PCM1: variants seen among roughly 807,000 people sequenced by gnomAD.
PCM1 encodes pericentriolar material 1 protein.
PCM1 carries 157 observed loss-of-function variants against 241.9 expected under a neutral mutation model. The ratio of observed to expected loss-of-function variants is 0.65; its 90% CI spans 0.57 to 0.74. The LOEUF is 0.74. Ranked by LOEUF, PCM1 falls within the 30% of genes least tolerant of loss-of-function variation. PCM1 has a pLI of 0.00. For synonymous variants in PCM1, 1,085 were observed against 784.9 expected (o/e 1.38, Z -6.39); for missense variants, 3,478 against 2,360.1 (o/e 1.47, Z -9.81).
At chr8:18,016,256 G>T (rs572725918) in intron 36 of PCM1, among the ~76,000 whole-genome samples, 1 of 149,100 alleles carries the variant, frequency 6.7e-6, no homozygotes, top group African/African-American at 2.4e-5. Flanking sequence ...ACTGGGTCCA[G>T]TTGGCAGCCT....
intron 15 of PCM1, among the ~76,000 whole-genome samples, chr8:17,960,829 G>A (rs553271276): frequency 7.8e-4 from 118 of 151,906 alleles, no homozygotes; most frequent in African/African-American, 2.8e-3. Flanking sequence ...TTTTTTTCTA[G>A]TATTAAGGTG....
rs2060694605 is a variant in PCM1, at chr8:17,937,260, C to G, written c.223C>G (p.Arg75Gly). Residue 75 changes from arginine to glycine, a missense_variant, in exon 4 of 39, where the codon CGA (arginine) becomes GGA (glycine). Physicochemically the swap from Arg to Gly is moderately radical, Grantham distance 125. Coordinates refer to ENST00000325083, the MANE Select transcript of PCM1 (RefSeq NM_006197.4). Reference protein sequence around the residue: ...SPESSPGVGRRRTKTPHTFPH... With the variant: ...SPESSPGVGRGRTKTPHTFPH... ...GGAGTCGTCACCAGGAGTTGGAAGG[C>G]GAAGAACAAAGACTCCACATACGTT... 1 of 1,610,936 alleles carries G rather than the reference C, an allele frequency of 6.2e-7. No homozygotes were observed. The highest frequency in any genetic ancestry group is 1.1e-5 in the South Asian group (1 of 90,610).
chr8:17,928,517 C>T (rs1232206256), intron 2 of PCM1, among the ~76,000 whole-genome samples: 3 of 151,172 alleles, frequency 2.0e-5, no homozygotes, highest in Non-Finnish European at 4.4e-5. Context: ...TAAAGCTAAT[C>T]ATTTGTCTTT....
intron 6 of PCM1, among the ~76,000 whole-genome samples, chr8:17,944,267 T>C (rs972379320): frequency 6.6e-6 from 1 of 152,178 alleles, no homozygotes; most frequent in African/African-American, 2.4e-5. Context: ...TTGGAGCAGA[T>C]AGTATGACGT....
rs563860952 is a variant in PCM1 at position 17,946,519 on chromosome 8, C to CG, written c.784-663dup. Among the ~76,000 whole-genome samples, 14 of 150,294 alleles carry CG rather than the reference C, an allele frequency of 9.3e-5. No individual in the cohort carries two copies. The South Asian group carries it at 2.9e-3, about 31-fold the overall frequency. ...TTCCTTTTTTCTTTTTTCTTTGAGA[C>CG]GGGGTCTCGCTCTGTCACCCAGGCT... On this transcript the variant is annotated intron_variant, in intron 6 of 38. Coordinates refer to ENST00000325083, the MANE Select transcript of PCM1 (RefSeq NM_006197.4).
In PCM1 at chr8:17,955,545, A is replaced by T. The variant is rs200259753; in HGVS notation, c.1364A>T (p.Asn455Ile). 2 of 1,613,788 alleles carry T rather than the reference A, an allele frequency of 1.2e-6. No homozygotes were observed. Among genetic ancestry groups the T allele is most frequent in the Non-Finnish European group, 1.7e-6 (2 of 1,179,742 alleles). ...TCTGTAGGCTTGGCACCGGTTGTCAATGGAGAATCCAATAGCCTCACATCA... is the reference window on the plus strand; with the variant it reads ...TCTGTAGGCTTGGCACCGGTTGTCATTGGAGAATCCAATAGCCTCACATCA... ...SASVGLAPVV[N>I]GESNSLTSSV... The change falls in exon 10 of 39, where the codon AAT becomes ATT. Residue 455 changes from asparagine (N) to isoleucine (I), a missense_variant. Transcript: ENST00000325083.
At chr8:17,977,264 C>T (rs976694572) in intron 23 of PCM1, among the ~76,000 whole-genome samples, 10 of 151,932 alleles carry the variant, frequency 6.6e-5, no homozygotes, top group African/African-American at 1.9e-4. Context: ...ATCAAGAGGT[C>T]TCTCTTTTCA....
chr8:18,013,209 A>G (rs2092733269), intron 34 of PCM1, among the ~76,000 whole-genome samples: 1 of 152,146 alleles, frequency 6.6e-6, no homozygotes, highest in Admixed American at 6.5e-5. Flanking sequence ...TAGATTGGGA[A>G]TGGGGCTGAG....
At chr8:17,954,498 T>C (rs1330755839) in intron 9 of PCM1, among the ~76,000 whole-genome samples, 2 of 151,798 alleles carry the variant, frequency 1.3e-5, no homozygotes, top group Admixed American at 1.3e-4. Context: ...TTGTCGTCAG[T>C]TTTGTATGCA....
intron 29 of PCM1, among the ~76,000 whole-genome samples, chr8:17,995,424 T>A (rs1334154949): frequency 1.2e-4 from 18 of 151,396 alleles, no homozygotes; most frequent in Non-Finnish European, 1.5e-5. Flanking sequence ...TCGGTCTGTG[T>A]TTCTGTTGTT....
chr8:17,977,496 C>G (rs987625856), intron 23 of PCM1, among the ~76,000 whole-genome samples: 1 of 152,118 alleles, frequency 6.6e-6, no homozygotes, highest in Non-Finnish European at 1.5e-5. Context: ...AAGATGCAAG[C>G]AAGGCTTTAG....
chr8:17,969,501 A>G, intron 21 of PCM1, 76 bp from the exon 22 acceptor site: 2 of 1,119,076 alleles, frequency 1.8e-6, no homozygotes, highest in Admixed American at 2.5e-5. Context: ...TGTTTAATTA[A>G]AACTGTCTTT....
At position 17,972,550 on chromosome 8, in the gene PCM1, A is replaced by C; in HGVS notation, c.3806A>C (p.Asp1269Ala). 6.2e-7 allele frequency: 1 copy of C among 1,613,870 alleles called. No homozygotes were observed. Among genetic ancestry groups the C allele is most frequent in the Non-Finnish European group, 8.5e-7 (1 of 1,179,772 alleles). ...TTTAGCAGTATGCCTGATCCAGTAGATCCAACAACAGTGACTAAAACATTC... is the reference window on the plus strand; with the variant it reads ...TTTAGCAGTATGCCTGATCCAGTAGCTCCAACAACAGTGACTAAAACATTC... ...ESFSSMPDPV[D>A]PTTVTKTFKT... The change falls in exon 23 of 39, where the codon GAT (aspartate) becomes GCT (alanine). Residue 1269 changes from aspartate to alanine, a missense_variant. Physicochemically the swap from Asp to Ala is moderately radical, Grantham distance 126 (BLOSUM62 -2). Transcript: ENST00000325083.
chr8:17,939,915 A>G (rs2061534486), intron 6 of PCM1, 54 bp downstream of exon 6: 14 of 1,176,234 alleles, frequency 1.2e-5, no homozygotes, highest in Non-Finnish European at 1.6e-5. Context: ...CTCAGTGTGT[A>G]TTTACTGATG....
chr8:18,003,982 C>CT (rs1327911375), intron 29 of PCM1, among the ~76,000 whole-genome samples: 1 of 151,634 alleles, frequency 6.6e-6, no homozygotes, highest in African/African-American at 2.4e-5. Context: ...GTCAACATGT[C>CT]TTTTAAAAAC....
intron 2 of PCM1, chr8:17,925,627 G>C (rs1299236866): frequency 6.6e-6 from 1 of 152,228 alleles, no homozygotes; most frequent in Non-Finnish European, 1.5e-5. Flanking sequence ...ACGAGGTCAG[G>C]AGATCAAGAC....
intron 33 of PCM1, 41 bp from the exon 34 acceptor site, chr8:18,011,626 T>C: frequency 1.3e-6 from 2 of 1,542,916 alleles, no homozygotes; most frequent in Non-Finnish European, 1.8e-6. Context: ...GTTAAGATTA[T>C]GTGCTGAAAT....
At chr8:17,959,801 GAA>G (rs985579507) in intron 13 of PCM1, among the ~76,000 whole-genome samples, 1 of 152,064 alleles carries the variant, frequency 6.6e-6, no homozygotes, top group Admixed American at 6.6e-5. Context: ...CCAATTATAA[GAA>G]GAGTTATTGA....
intron 22 of PCM1, among the ~76,000 whole-genome samples, chr8:17,971,215 A>G (rs1277252529): frequency 6.6e-6 from 1 of 152,226 alleles, no homozygotes; most frequent in African/African-American, 2.4e-5. Context: ...TCATATGGAA[A>G]CAGGCAGCAG....
Sources: allele counts gnomAD v4.1 joint callset (sites outside exome capture counted in the v4.1 genomes callset), GRCh38; gene constraint gnomAD v4.1.1; transcripts MANE v1.5; gene names NCBI Gene and HGNC (gene_info 2026-07-23, HGNC 2026-07-21).